The following TNS1 variants were observed in gnomAD, a reference collection of about 807,000 sequenced individuals.
TNS1 encodes tensin-1.
A neutral mutation model predicts 168.6 loss-of-function variants in TNS1; 62 were observed. The ratio of observed to expected loss-of-function variants is 0.37; its 90% CI spans 0.30 to 0.45. The LOEUF is 0.45. Ranked by LOEUF, TNS1 falls within the 20% of genes least tolerant of loss-of-function variation. The probability of loss-of-function intolerance (pLI) is 1.00; values close to 1 mark genes in which losing one functional copy is unlikely to be tolerated. For synonymous variants in TNS1, 934 were observed against 933.2 expected, an observed-to-expected ratio of 1.00 and a Z score of -0.02; for missense variants, 2,240 against 2,339.4, an observed-to-expected ratio of 0.96 and a Z score of 0.88.
Position 217,948,163 on chromosome 2 carries a change from A to G in TNS1, c.187-27927T>C, listed in dbSNP as rs543001356. ...CAGACTCTCAGGTTCTTACAGCACT[A>G]AGGTGAAGTTCCTCTGAGCTGCGCT... On this transcript the variant is annotated intron_variant, in intron 3 of 32. Coordinates refer to ENST00000682258, the MANE Select transcript of TNS1 (RefSeq NM_001387777.1). This position sits in a 1 kb window ranked among gnomAD's most constrained non-coding sequence, Gnocchi z 4.1. Among the ~76,000 whole-genome samples, 20 of 152,338 alleles carry G rather than the reference A, an allele frequency of 1.3e-4. No individual in the cohort carries two copies. Among genetic ancestry groups the G allele is most frequent in the African/African-American group, 3.4e-4 (14 of 41,572 alleles).
At chr2:217,847,070 G>A (rs371283005) in intron 19 of TNS1, among the ~76,000 whole-genome samples, 21 of 152,304 alleles carry the variant, frequency 1.4e-4, no homozygotes, top group African/African-American at 4.6e-4. Context: ...CAGACAGCAC[G>A]ACAGGCAATT....
chr2:217,849,773 C>T (rs16858371), intron 18 of TNS1: 278,355 of 985,112 alleles, frequency 0.28, 42,709 homozygotes, highest in African/African-American at 0.59. Context: ...TCAGCATGGA[C>T]GGCCAGTCGC....
Position 217,893,398 on chromosome 2 carries a change from G to GCACACA in TNS1, c.717+40_717+41insTGTGTG, listed in dbSNP as rs765084895. On this transcript the variant is annotated intron_variant, in intron 10 of 32. Transcript: ENST00000682258. ...CACACACATGTGCGCATGTGCGCGC[G>GCACACA]CGCACACACACACACACACACACAC... 21 of 1,495,232 alleles carry GCACACA rather than the reference G, an allele frequency of 1.4e-5. No homozygotes were observed. The African/African-American group carries it at 3.0e-4, about 22-fold the overall frequency. 92.6% of individuals were successfully genotyped at this position (1,495,232 alleles called of 1,614,324 possible).
intron 4 of TNS1, among the ~76,000 whole-genome samples, chr2:217,911,577 C>G (rs866318108): frequency 3.9e-5 from 6 of 152,184 alleles, no homozygotes; most frequent in Non-Finnish European, 7.3e-5. Flanking sequence ...TGGCAATGCC[C>G]GGAACACAGT....
At position 217,880,916 on chromosome 2, in the gene TNS1, G is replaced by C. The variant is rs768776859; in HGVS notation, c.1411C>G (p.Arg471Gly). ...WDSYDNFSGH[R>G]DDGMEEVVGH... ...CACCTACCCTCCATGCCGTCATCTC[G>C]ATGCCCACTGAAGTTGTCGTAGGAG... Residue 471 changes from arginine to glycine, a missense_variant, in exon 18 of 33, where the codon CGA becomes GGA. Around this residue, in one of 2 missense-constraint regions of TNS1, gnomAD observed 2,131 missense variants for 2,171.2 expected, o/e 0.98. Coordinates refer to ENST00000682258, the MANE Select transcript of TNS1 (RefSeq NM_001387777.1). The surrounding 1 kb of genome is among the most constrained non-coding windows in gnomAD (Gnocchi z 4.2). 1.2e-6 allele frequency: 2 copies of C among 1,613,748 alleles called. No homozygotes were observed. The highest frequency in any genetic ancestry group is 1.7e-5 in the Admixed American group (1 of 59,994).
At chr2:217,969,822 T>C (rs1957735117) in intron 3 of TNS1, among the ~76,000 whole-genome samples, 1 of 152,190 alleles carries the variant, frequency 6.6e-6, no homozygotes, top group Admixed American at 6.5e-5. Context: ...ACTTCACATA[T>C]TGCTAGCAAG....
chr2:217,967,948 A>G lies in TNS1; in HGVS notation c.186+10817T>C, dbSNP rs77868101. On this transcript the variant is annotated intron_variant, in intron 3 of 32. Coordinates refer to ENST00000682258, the MANE Select transcript of TNS1 (RefSeq NM_001387777.1). Reference sequence around the variant, plus strand: ...AGAAACATTTAAGAAAGAGAATTATACACCATGACCAAATGGGACTTATCC... The same window carrying G: ...AGAAACATTTAAGAAAGAGAATTATGCACCATGACCAAATGGGACTTATCC... Among the ~76,000 whole-genome samples, 74 of 152,372 alleles carry G rather than the reference A, an allele frequency of 4.9e-4. 1 individual carries two copies. The East Asian group carries it at 0.011, about 22-fold the overall frequency.
intron 18 of TNS1, among the ~76,000 whole-genome samples, chr2:217,877,279 G>A (rs4674220): frequency 0.65 from 98,806 of 152,038 alleles, 33,752 homozygotes; most frequent in African/African-American, 0.86. Context: ...GAAATGGGAC[G>A]ACCATCCTGA....
At chr2:217,859,778 C>T in intron 18 of TNS1, 1 of 1,186,978 alleles carries the variant, frequency 8.4e-7, no homozygotes. Flanking sequence ...CCACCCAGAT[C>T]CGAGAGCCAT....
At chr2:217,950,298 G>A (rs73080318) in intron 3 of TNS1, among the ~76,000 whole-genome samples, 6,098 of 152,246 alleles carry the variant, frequency 0.04, 416 homozygotes, top group African/African-American at 0.14. Context: ...CACTGCCCAC[G>A]TGCACCTCCA....
Position 217,813,779 on chromosome 2 carries a change from G to T in TNS1, c.4767C>A (p.Phe1589Leu). The T allele has an allele frequency of 1.2e-6, 2 of 1,613,892 alleles. No homozygotes were observed. The highest frequency in any genetic ancestry group is 1.1e-5 in the South Asian group (1 of 91,052). ...GGAAGGAGTGACTGTCGCGGATGATGAAGGCCCCCGGCTCCTGGTCCTTGA... is the reference window on the plus strand; with the variant it reads ...GGAAGGAGTGACTGTCGCGGATGATTAAGGCCCCCGGCTCCTGGTCCTTGA... ...ALLKDQEPGAFIIRDSHSFRG... is the reference protein window; with the variant it reads ...ALLKDQEPGALIIRDSHSFRG... The change falls in exon 26 of 33, where the codon TTC (phenylalanine) becomes TTA (leucine). Residue 1589 changes from phenylalanine (F) to leucine (L), a missense_variant. Physicochemically the swap from Phe to Leu is conservative, Grantham distance 22 (BLOSUM62 0). Transcript: ENST00000682258. This position sits in a 1 kb window ranked among gnomAD's most constrained non-coding sequence, Gnocchi z 4.0.
At chr2:217,972,119 G>T (rs1957786083) in intron 3 of TNS1, among the ~76,000 whole-genome samples, 1 of 152,138 alleles carries the variant, frequency 6.6e-6, no homozygotes, top group Admixed American at 6.5e-5. Context: ...TTTTAGTAGG[G>T]TTACCATTCC....
At chr2:218,026,584 G>A (rs1292593092) in intron 1 of TNS1, among the ~76,000 whole-genome samples, 2 of 152,188 alleles carry the variant, frequency 1.3e-5, no homozygotes, top group Non-Finnish European at 2.9e-5. Flanking sequence ...AGTAGAGAAA[G>A]GAAAAGGTGG....
chr2:217,837,020 G>A (rs1235759551), intron 19 of TNS1, among the ~76,000 whole-genome samples: 2 of 152,086 alleles, frequency 1.3e-5, no homozygotes, highest in Admixed American at 6.5e-5. Flanking sequence ...GCTGGGCTGA[G>A]GCACGGAATC....
intron 3 of TNS1, among the ~76,000 whole-genome samples, chr2:217,924,703 A>G (rs542113101): frequency 6.6e-6 from 1 of 152,338 alleles, no homozygotes; most frequent in African/African-American, 2.4e-5. Flanking sequence ...AGAGTCAGCA[A>G]TATTGCTCCC....
At chr2:217,886,226 G>C in intron 13 of TNS1, 122 bp from the exon 14 acceptor site, 1 of 1,047,006 alleles carries the variant, frequency 9.6e-7, no homozygotes, top group Non-Finnish European at 1.4e-6. Context: ...GGGGTAGGAA[G>C]GGGAAGGAGG....
rs750228010 is a variant in TNS1, at chr2:217,892,937, G to A, written c.782+11C>T. The A allele has an allele frequency of 3.7e-6, 6 of 1,613,936 alleles. No homozygotes were observed. Among genetic ancestry groups the A allele is most frequent in the Admixed American group, 1.7e-5 (1 of 60,022 alleles). The stretch of plus-strand genomic sequence containing the variant: ...ATGTTCAGAGGATGGGAGGCTCCAG[G>A]CCCCTCTTACCTGGCAGAAATGTTG... On this transcript the variant is annotated intron_variant, in intron 11 of 32. Transcript: ENST00000682258.
intron 9 of TNS1, 100 bp from the exon 10 acceptor site, chr2:217,893,661 C>T (rs1305861615): frequency 4.1e-6 from 6 of 1,470,620 alleles, no homozygotes; most frequent in Non-Finnish European, 5.4e-6. Context: ...TGGGCAGTGG[C>T]CCGCAGCTGC....
chr2:217,925,234 G>T (rs75430858), intron 3 of TNS1, among the ~76,000 whole-genome samples: 1 of 151,968 alleles, frequency 6.6e-6, no homozygotes, highest in African/African-American at 2.4e-5. Context: ...TGTGCGTGTG[G>T]CCTGTGGACT....
Sources: allele counts gnomAD v4.1 joint callset (sites outside exome capture counted in the v4.1 genomes callset), GRCh38; gene constraint gnomAD v4.1.1; regional missense constraint gnomAD v4.1.1; non-coding constraint Gnocchi (gnomAD v3.1); transcripts MANE v1.5; gene names NCBI Gene and HGNC (gene_info 2026-07-23, HGNC 2026-07-21).